Variants in PAPPA observed in about 807,000 individuals in gnomAD.
PAPPA encodes pappalysin 1, also known as pappalysin-1.
A neutral mutation model predicts 164.0 loss-of-function variants in PAPPA; 60 were observed. The observed-to-expected ratio is 0.37, with a 90% confidence interval of 0.30 to 0.45. The LOEUF is 0.45. Ranked by LOEUF, PAPPA falls within the 20% of genes least tolerant of loss-of-function variation. The probability of loss-of-function intolerance (pLI) is 1.00; values close to 1 mark genes in which losing one functional copy is unlikely to be tolerated. For missense variants in PAPPA, 1,782 were observed against 2,087.3 expected (o/e 0.85, Z 2.85); for synonymous variants, 875 against 814.1 (o/e 1.07, Z -1.27).
intron 10 of PAPPA, among the ~76,000 whole-genome samples, chr9:116,316,029 A>G (rs549656079): frequency 4.6e-5 from 7 of 152,372 alleles, no homozygotes; most frequent in African/African-American, 1.7e-4. Flanking sequence ...CCCAAGTTCT[A>G]CAGGTAGCCC....
intron 7 of PAPPA, among the ~76,000 whole-genome samples, chr9:116,242,102 A>C (rs2118760310): frequency 6.6e-6 from 1 of 152,276 alleles, no homozygotes; most frequent in Admixed American, 6.5e-5. Flanking sequence ...CTCTGGCCTC[A>C]TGAGCACATG....
intron 21 of PAPPA, among the ~76,000 whole-genome samples, chr9:116,387,262 G>GTGAT (rs1349180611): frequency 6.6e-6 from 1 of 152,212 alleles, no homozygotes; most frequent in African/African-American, 2.4e-5. Context: ...TTTGTACAAG[G>GTGAT]TGATAGAGCT....
At chr9:116,394,422 T>C (rs1346594217) in intron 21 of PAPPA, among the ~76,000 whole-genome samples, 1 of 152,154 alleles carries the variant, frequency 6.6e-6, no homozygotes, top group Non-Finnish European at 1.5e-5. Context: ...GTGGAGGGAT[T>C]TTCCCAAAAT....
At chr9:116,184,996 A>T (rs1369278941) in intron 1 of PAPPA, among the ~76,000 whole-genome samples, 1 of 152,226 alleles carries the variant, frequency 6.6e-6, no homozygotes, top group South Asian at 2.1e-4. Context: ...ACCGAAGAGC[A>T]CATGTCAAGT....
intron 2 of PAPPA, among the ~76,000 whole-genome samples, chr9:116,204,175 C>T (rs1407306448): frequency 2.0e-5 from 3 of 152,298 alleles, no homozygotes; most frequent in Non-Finnish European, 4.4e-5. Context: ...TACTCAGAGA[C>T]TTAAACCTAC....
At chr9:116,247,344 G>A (rs1327396700) in intron 7 of PAPPA, among the ~76,000 whole-genome samples, 1 of 152,150 alleles carries the variant, frequency 6.6e-6, no homozygotes, top group Non-Finnish European at 1.5e-5. Flanking sequence ...TTAATTGTGA[G>A]GCTCCCAGAG....
chr9:116,191,765 AG>A (rs1274715749), intron 2 of PAPPA, among the ~76,000 whole-genome samples: 1 of 152,184 alleles, frequency 6.6e-6, no homozygotes, highest in African/African-American at 2.4e-5. Context: ...TCCATCAGTG[AG>A]GGTCCTAGCA....
Position 116,220,041 on chromosome 9 carries a change from G to A in PAPPA, c.2023G>A (p.Val675Ile). The A allele has an allele frequency of 6.2e-7, 1 of 1,614,152 alleles. No individual in the cohort carries two copies. Among genetic ancestry groups the A allele is most frequent in the Non-Finnish European group, 8.5e-7 (1 of 1,180,032 alleles). Residue 675 changes from valine to isoleucine, a missense_variant, in exon 5 of 22, where the codon GTT becomes ATT. Val to Ile is a conservative substitution (Grantham distance 29, BLOSUM62 3). This residue lies in a region of PAPPA where 1,324 missense variants were observed against 1,656.9 expected (regional missense o/e 0.80). Transcript: ENST00000328252. ...GCAGCCCTCCAGGAAACCAGCGCCT[G>A]TTGCCCTCGCCCCCCAAGTTCTGGG... Reference protein sequence around the residue: ...GWQPSRKPAPVALAPQVLGHT... With the variant: ...GWQPSRKPAPIALAPQVLGHT...
chr9:116,169,111 G>A (rs1843746159), intron 1 of PAPPA, among the ~76,000 whole-genome samples: 1 of 152,074 alleles, frequency 6.6e-6, no homozygotes, highest in African/African-American at 2.4e-5. Context: ...AAAGAGTGAA[G>A]GCAGACACAT....
At chr9:116,356,819 G>A (rs2118609059) in intron 17 of PAPPA, among the ~76,000 whole-genome samples, 1 of 152,278 alleles carries the variant, frequency 6.6e-6, no homozygotes, top group Non-Finnish European at 1.5e-5. Context: ...TTTTTGCTTA[G>A]GATTGTCTTG....
chr9:116,382,246 C>T, intron 20 of PAPPA, 149 bp from the exon 21 acceptor site: 1 of 632,310 alleles, frequency 1.6e-6, no homozygotes, highest in Non-Finnish European at 2.9e-6. Context: ...ATAACTCATT[C>T]AAGGGGGTGT....
intron 9 of PAPPA, among the ~76,000 whole-genome samples, chr9:116,290,840 T>C (rs1845427499): frequency 6.6e-6 from 1 of 152,056 alleles, no homozygotes; most frequent in South Asian, 2.1e-4. Flanking sequence ...TTTTTTTCCA[T>C]TTATTAGCTT....
At chr9:116,312,487 C>A (rs557379722) in intron 10 of PAPPA, among the ~76,000 whole-genome samples, 1 of 151,918 alleles carries the variant, frequency 6.6e-6, no homozygotes, top group Admixed American at 6.6e-5. Context: ...GCTGCTTTGG[C>A]GGTATTGAAT....
chr9:116,326,539 A>C (rs1845922483), intron 10 of PAPPA, among the ~76,000 whole-genome samples: 1 of 152,216 alleles, frequency 6.6e-6, no homozygotes, highest in Admixed American at 6.5e-5. Context: ...ATTGAATGTC[A>C]ACATTTTAGT....
At chr9:116,308,024 T>TC (rs1209800120) in intron 10 of PAPPA, among the ~76,000 whole-genome samples, 8 of 152,068 alleles carry the variant, frequency 5.3e-5, no homozygotes, top group South Asian at 4.1e-4. Context: ...TTCTTTGCAC[T>TC]CCCCCCAAAG....
Position 116,306,550 on chromosome 9 carries a change from T to C in PAPPA, c.3147+3600T>C, listed in dbSNP as rs533259589. On this transcript the variant is annotated intron_variant, in intron 10 of 21. Coordinates refer to ENST00000328252, the MANE Select transcript of PAPPA (RefSeq NM_002581.5). ...GTTGAACATCCTATAATAAGAGACA[T>C]TCTTTGGATATTTTGGCCATGCACC... 2.0e-5 allele frequency among the ~76,000 whole-genome samples: 3 copies of C among 152,290 alleles called. No homozygotes were observed. In the East Asian group the frequency reaches 5.8e-4, roughly 29 times the overall value.
At position 116,294,761 on chromosome 9, in the gene PAPPA, C is replaced by G. The variant is rs765254965; in HGVS notation, c.2954-7996C>G. Among the ~76,000 whole-genome samples, 30 of 152,282 alleles carry G rather than the reference C, an allele frequency of 2.0e-4. No individual in the cohort carries two copies. The South Asian group carries it at 2.9e-3, about 15-fold the overall frequency. On this transcript the variant is annotated intron_variant, in intron 9 of 21. Transcript: ENST00000328252. ...AAGACTGTTGTTATTGAACCCATCT[C>G]TAAATAAACAGCTAAACTTAAAATA...
At chr9:116,384,882 T>C (rs1588030421) in intron 21 of PAPPA, among the ~76,000 whole-genome samples, 3 of 152,274 alleles carry the variant, frequency 2.0e-5, no homozygotes, top group Middle Eastern at 3.4e-3. Flanking sequence ...ACACCAACGG[T>C]TGGAGAAAGA....
intron 9 of PAPPA, among the ~76,000 whole-genome samples, chr9:116,294,895 T>C (rs1239845059): frequency 6.6e-6 from 1 of 152,216 alleles, no homozygotes; most frequent in Admixed American, 6.5e-5. Flanking sequence ...TAGAAATAGA[T>C]GCTAATTTCT....
Sources: allele counts gnomAD v4.1 joint callset (sites outside exome capture counted in the v4.1 genomes callset), GRCh38; gene constraint gnomAD v4.1.1; regional missense constraint gnomAD v4.1.1; transcripts MANE v1.5; gene names NCBI Gene and HGNC (gene_info 2026-07-23, HGNC 2026-07-21).